CAMSAP3: variants seen among roughly 807,000 people sequenced by gnomAD.
CAMSAP3 encodes calmodulin regulated spectrin associated protein family member 3, also known as calmodulin-regulated spectrin-associated protein 3.
In CAMSAP3, 34 loss-of-function variants were observed where a neutral mutation model predicts 112.5. The ratio of observed to expected loss-of-function variants is 0.30; its 90% CI spans 0.23 to 0.40. The LOEUF is 0.40. Ranked by LOEUF, CAMSAP3 falls within the 10% of genes least tolerant of loss-of-function variation. CAMSAP3 has a pLI of 1.00. For missense variants in CAMSAP3, 1,602 were observed against 1,770.3 expected (o/e 0.90, Z 1.71); for synonymous variants, 868 against 799.8 (o/e 1.09, Z -1.44).
intron 1 of CAMSAP3, among the ~76,000 whole-genome samples, chr19:7,597,593 A>G (rs1191501285): frequency 1.3e-5 from 2 of 152,142 alleles, no homozygotes; most frequent in African/African-American, 2.4e-5. Context: ...TGCTCCAGTG[A>G]TGGAGACCCC....
rs907554237 is a variant in CAMSAP3, at chr19:7,610,323, A to C, written c.761-153A>C. Among the ~76,000 whole-genome samples the C allele has an allele frequency of 2.0e-5, 3 of 151,716 alleles. No homozygotes were observed. The highest frequency in any genetic ancestry group is 2.1e-4 in the South Asian group (1 of 4,816). ...ACAGAGCGAGACTCCATCTCAAAAA[A>C]AAAAAAAAAAGAATTCACCTCTCGA... On this transcript the variant is annotated intron_variant, in intron 5 of 16. Transcript: ENST00000160298. The surrounding 1 kb of genome is among the most constrained non-coding windows in gnomAD (Gnocchi z 4.9).
intron 1 of CAMSAP3, among the ~76,000 whole-genome samples, chr19:7,597,635 G>A (rs906092926): frequency 1.3e-5 from 2 of 152,236 alleles, no homozygotes; most frequent in Admixed American, 6.5e-5. Flanking sequence ...GCTGGGAGGC[G>A]TAAAAGCTGT....
In CAMSAP3 at chr19:7,618,080, C is replaced by T. The variant is rs780686957; in HGVS notation, c.*23C>T. 3.8e-6 allele frequency: 6 copies of T among 1,599,590 alleles called. No individual in the cohort carries two copies. Among genetic ancestry groups the T allele is most frequent in the African/African-American group, 2.7e-5 (2 of 74,696 alleles). Reference sequence around the variant, plus strand: ...TAGCCCCACCCGGGCGGTCCACGGGCCGGGCCCTGTGTGCTGCGGCCGCCA... The same window carrying T: ...TAGCCCCACCCGGGCGGTCCACGGGTCGGGCCCTGTGTGCTGCGGCCGCCA... On this transcript the variant is annotated 3_prime_UTR_variant, in exon 17 of 17. Coordinates refer to ENST00000160298, the MANE Select transcript of CAMSAP3 (RefSeq NM_020902.2).
rs2030804051 is a variant in CAMSAP3, at chr19:7,616,609, A to T, written c.3199A>T (p.Arg1067Trp). ...GGCCCACAATAACCTCGGGGTGAAG[A>T]GGCCCACGTCTCGGTGAGTTTAGCC... ...NEAHNNLGVK[R>W]PTSRAPSPSG... The change falls in exon 14 of 17, where the codon AGG (arginine) becomes TGG (tryptophan). Residue 1067 changes from arginine to tryptophan, a missense_variant. Arg to Trp is a moderately radical substitution (Grantham distance 101). This residue lies in a region of CAMSAP3 where 1,100 missense variants were observed against 1,135.7 expected (regional missense o/e 0.97). Transcript: ENST00000160298. The T allele has an allele frequency of 2.5e-6, 4 of 1,606,878 alleles. No individual in the cohort carries two copies. The highest frequency in any genetic ancestry group is 1.7e-5 in the Admixed American group (1 of 59,874).
rs1050859167 is a variant in CAMSAP3 at position 7,618,297 on chromosome 19, A to G, written c.*240A>G. 25 of 531,788 alleles carry G rather than the reference A, an allele frequency of 4.7e-5. No homozygotes were observed. The highest frequency in any genetic ancestry group is 4.9e-4 in the Middle Eastern group (1 of 2,038). 32.9% of individuals were successfully genotyped at this position (531,788 alleles called of 1,614,324 possible). On this transcript the variant is annotated 3_prime_UTR_variant, in exon 17 of 17. Transcript: ENST00000160298. ...CCCCACTTCTTGAATAAAATAATTT[A>G]AAGAGAAGTTGAACCTTGTCCCCCC...
Position 7,615,090 on chromosome 19 carries a change from A to T in CAMSAP3, c.2671-93A>T. ...AGAACAATGATGAAAACAAAAGCACAGGTGGGTGGCGGGCAGGCTGGGTGG... is the reference window on the plus strand; with the variant it reads ...AGAACAATGATGAAAACAAAAGCACTGGTGGGTGGCGGGCAGGCTGGGTGG... On this transcript the variant is annotated intron_variant, in intron 11 of 16. Coordinates refer to ENST00000160298, the MANE Select transcript of CAMSAP3 (RefSeq NM_020902.2). The surrounding 1 kb of genome is among the most constrained non-coding windows in gnomAD (Gnocchi z 6.5). The T allele has an allele frequency of 6.9e-7, 1 of 1,451,446 alleles. No individual in the cohort carries two copies. Among genetic ancestry groups the T allele is most frequent in the Non-Finnish European group, 9.4e-7 (1 of 1,059,120 alleles). The allele number at this position is 1,451,446 out of a possible 1,614,324, so 89.9% of individuals were successfully genotyped here. A position where few individuals can be genotyped will look rare whatever the true frequency, so the allele number is the denominator to read the frequency against.
rs1037496655 is a variant in CAMSAP3 at position 7,612,477 on chromosome 19, C to G, written c.1984C>G (p.Pro662Ala). The G allele has an allele frequency of 8.9e-6, 14 of 1,565,134 alleles. No individual in the cohort carries two copies. Among genetic ancestry groups the G allele is most frequent in the Non-Finnish European group, 1.2e-5 (14 of 1,157,682 alleles). The change falls in exon 11 of 17, where the codon CCT (proline) becomes GCT (alanine). Residue 662 changes from proline to alanine, a missense_variant. Around this residue, in one of 6 missense-constraint regions of CAMSAP3, gnomAD observed 1,100 missense variants for 1,135.7 expected, o/e 0.97. Coordinates refer to ENST00000160298, the MANE Select transcript of CAMSAP3 (RefSeq NM_020902.2). ...EAEEADSGPV[P>A]GGERPAGEGQ... is the part of the protein sequence containing the mutation. ...GGAGGAGGCCGATTCCGGTCCAGTC[C>G]CTGGTGGGGAGCGGCCCGCAGGCGA... is the stretch of plus-strand genomic sequence containing the variant.
At position 7,617,764 on chromosome 19, in the gene CAMSAP3, A is replaced by C; in HGVS notation, c.3457A>C (p.Ser1153Arg). Residue 1153 changes from serine to arginine, a missense_variant, in exon 17 of 17, where the codon AGC (serine) becomes CGC (arginine). By Grantham distance (110) the Ser-to-Arg change is moderately radical. This residue lies in a region of CAMSAP3 where 150 missense variants were observed against 207.6 expected (regional missense o/e 0.72). Coordinates refer to ENST00000160298, the MANE Select transcript of CAMSAP3 (RefSeq NM_020902.2). This position sits in a 1 kb window ranked among gnomAD's most constrained non-coding sequence, Gnocchi z 7.5. ...KNRILEEIEKSKANHFLILFR... is the reference protein window; with the variant it reads ...KNRILEEIEKRKANHFLILFR... ...CACTCCTGCCCAGGAAATTGAGAAA[A>C]GCAAGGCCAACCACTTCCTGATCCT... 1 of 1,612,112 alleles carries C rather than the reference A, an allele frequency of 6.2e-7. No individual in the cohort carries two copies. Among genetic ancestry groups the C allele is most frequent in the Non-Finnish European group, 8.5e-7 (1 of 1,178,474 alleles).
chr19:7,602,482 C>T (rs1485144285), intron 1 of CAMSAP3, among the ~76,000 whole-genome samples: 1 of 151,988 alleles, frequency 6.6e-6, no homozygotes, highest in Non-Finnish European at 1.5e-5. Flanking sequence ...GTGCCCAAGG[C>T]CGGGGCTGGG....
chr19:7,596,674 C>T (rs746446636), intron 1 of CAMSAP3, among the ~76,000 whole-genome samples: 7 of 151,992 alleles, frequency 4.6e-5, no homozygotes, highest in African/African-American at 7.2e-5. Flanking sequence ...ACACACACCC[C>T]GCGTCGGCCC....
In CAMSAP3 at chr19:7,610,332, A is replaced by G. The variant is rs892201552; in HGVS notation, c.761-144A>G. Reference sequence around the variant, plus strand: ...GACTCCATCTCAAAAAAAAAAAAAAAAGAATTCACCTCTCGAAGGGCACCT... The same window carrying G: ...GACTCCATCTCAAAAAAAAAAAAAAGAGAATTCACCTCTCGAAGGGCACCT... On this transcript the variant is annotated intron_variant, in intron 5 of 16. Transcript: ENST00000160298. This position sits in a 1 kb window ranked among gnomAD's most constrained non-coding sequence, Gnocchi z 4.9. 2.0e-5 allele frequency: 14 copies of G among 684,970 alleles called. No individual in the cohort carries two copies. Among genetic ancestry groups the G allele is most frequent in the Non-Finnish European group, 3.4e-5 (14 of 415,608 alleles). 42.4% of individuals were successfully genotyped at this position (684,970 alleles called of 1,614,324 possible). A position where few individuals can be genotyped will look rare whatever the true frequency, so the allele number is the denominator to read the frequency against.
At position 7,611,911 on chromosome 19, in the gene CAMSAP3, T is replaced by G; in HGVS notation, c.1418T>G (p.Leu473Arg). The G allele has an allele frequency of 1.3e-6, 2 of 1,583,678 alleles. No individual in the cohort carries two copies. The highest frequency in any genetic ancestry group is 1.7e-6 in the Non-Finnish European group (2 of 1,162,098). Residue 473 changes from leucine to arginine, a missense_variant, in exon 11 of 17, where the codon CTC becomes CGC. Around this residue, in one of 6 missense-constraint regions of CAMSAP3, gnomAD observed 1,100 missense variants for 1,135.7 expected, o/e 0.97. Coordinates refer to ENST00000160298, the MANE Select transcript of CAMSAP3 (RefSeq NM_020902.2). This position sits in a 1 kb window ranked among gnomAD's most constrained non-coding sequence, Gnocchi z 6.9. ...ATCATCCACAGTGCCGAGCCCCGGC[T>G]CCTCCCAGATGGGGCGGCCGACGGC... ...LQIIHSAEPR[L>R]LPDGAADGSF...
chr19:7,613,442 G>C (rs1416485245), intron 11 of CAMSAP3, among the ~76,000 whole-genome samples: 1 of 150,524 alleles, frequency 6.6e-6, no homozygotes, highest in Non-Finnish European at 1.5e-5. Flanking sequence ...GACCCTGTCT[G>C]TTGGGTAAGG....
chr19:7,611,776 G>C lies in CAMSAP3; in HGVS notation c.1283G>C (p.Arg428Pro), dbSNP rs772929926. ...GTCATGGGAGACCCTGTGCTCCTCC[G>C]CTCTGTGAGCTCGGACAGCCTGGGC... ...DVVMGDPVLL[R>P]SVSSDSLGPP... Residue 428 changes from arginine (R) to proline (P), a missense_variant, in exon 11 of 17, where the codon CGC (arginine) becomes CCC (proline). Coordinates refer to ENST00000160298, the MANE Select transcript of CAMSAP3 (RefSeq NM_020902.2). The surrounding 1 kb of genome is among the most constrained non-coding windows in gnomAD (Gnocchi z 6.9). 1.3e-6 allele frequency: 2 copies of C among 1,595,848 alleles called. No individual in the cohort carries two copies. The highest frequency in any genetic ancestry group is 2.2e-5 in the East Asian group (1 of 44,660).
At position 7,610,398 on chromosome 19, in the gene CAMSAP3, G is replaced by C. The variant is rs555169208; in HGVS notation, c.761-78G>C. On this transcript the variant is annotated intron_variant, in intron 5 of 16. Coordinates refer to ENST00000160298, the MANE Select transcript of CAMSAP3 (RefSeq NM_020902.2). The surrounding 1 kb of genome is among the most constrained non-coding windows in gnomAD (Gnocchi z 4.9). ...CATAGGAGGTCTTCCGTGTGTGGGG[G>C]ACTGCTGGTCCCTGGCTTCCCTGGG... The C allele has an allele frequency of 1.0e-5, 14 of 1,349,852 alleles. No homozygotes were observed. In the African/African-American group the frequency reaches 1.9e-4, roughly 18 times the overall value. 83.6% of individuals were successfully genotyped at this position (1,349,852 alleles called of 1,614,324 possible). A position where few individuals can be genotyped will look rare whatever the true frequency, so the allele number is the denominator to read the frequency against.
In CAMSAP3 at chr19:7,595,993, C is replaced by G; in HGVS notation, c.-10C>G. 1 of 1,083,758 alleles carries G rather than the reference C, an allele frequency of 9.2e-7. No individual in the cohort carries two copies. Among genetic ancestry groups the G allele is most frequent in the Non-Finnish European group, 1.1e-6 (1 of 885,594 alleles). 67.1% of individuals were successfully genotyped at this position (1,083,758 alleles called of 1,614,324 possible). The stretch of plus-strand genomic sequence containing the variant: ...AGCGCGGACCCGGCGCCCGCAGCCC[C>G]GGCGCCGCCATGGTGGAGGCGGCGC... On this transcript the variant is annotated 5_prime_UTR_variant, in exon 1 of 17. Transcript: ENST00000160298.
chr19:7,604,019 C>T (rs1387938156), intron 1 of CAMSAP3, among the ~76,000 whole-genome samples: 3 of 152,178 alleles, frequency 2.0e-5, no homozygotes, highest in African/African-American at 7.2e-5. Flanking sequence ...CCTGTAATCC[C>T]AGCTACTTGG....
At chr19:7,614,843 G>A (rs988618057) in intron 11 of CAMSAP3, 1 of 422,516 alleles carries the variant, frequency 2.4e-6, no homozygotes, top group Non-Finnish European at 4.4e-6. Flanking sequence ...CCTCTGGGAA[G>A]CCTTCCTGGG....
Position 7,617,889 on chromosome 19 carries a change from G to A in CAMSAP3, c.3582G>A (p.Thr1194=), listed in dbSNP as rs879187204. 10 of 1,613,734 alleles carry A rather than the reference G, an allele frequency of 6.2e-6. No homozygotes were observed. The highest frequency in any genetic ancestry group is 1.6e-4 in the Middle Eastern group (1 of 6,062). Residue 1194 remains threonine (T), a synonymous_variant, in exon 17 of 17, where the codon ACG becomes ACA. Transcript: ENST00000160298. This position sits in a 1 kb window ranked among gnomAD's most constrained non-coding sequence, Gnocchi z 7.5. ...RLAGYGPRTV[T]PAMVEGIYKY... ...CAGGGTATGGGCCCCGGACCGTCAC[G>A]CCCGCCATGGTGGAAGGCATCTACA... is the stretch of plus-strand genomic sequence containing the variant.
Sources: gnomAD v4.1 joint callset for allele counts (sites outside exome capture counted in the v4.1 genomes callset) on GRCh38, gnomAD v4.1.1 for gene constraint, gnomAD v4.1.1 regional missense constraint, Gnocchi (gnomAD v3.1) non-coding constraint, MANE v1.5 for transcripts, NCBI Gene and HGNC (gene_info 2026-07-23, HGNC 2026-07-21) for gene names.